The following DNAAF9 variants were observed in gnomAD, a reference collection of about 807,000 sequenced individuals.
DNAAF9 encodes shulin.
DNAAF9 carries 90 observed loss-of-function variants against 167.0 expected under a neutral mutation model. The ratio of observed to expected loss-of-function variants is 0.54; its 90% confidence interval spans 0.45 to 0.64. DNAAF9 has a LOEUF of 0.64. DNAAF9 is among the 30% of genes least tolerant of loss of function. The pLI is 0.00. For missense variants in DNAAF9, 1,315 were observed against 1,442.2 expected (o/e 0.91, Z 1.43); for synonymous variants, 491 against 508.8 (o/e 0.96, Z 0.47).
chr20:3,374,139 A>G lies in DNAAF9; in HGVS notation c.521T>C (p.Phe174Ser). The G allele has an allele frequency of 6.2e-7, 1 of 1,610,648 alleles. No individual in the cohort carries two copies. Among genetic ancestry groups the G allele is most frequent in the Non-Finnish European group, 8.5e-7 (1 of 1,176,862 alleles). Residue 174 changes from phenylalanine to serine, a missense_variant, in exon 6 of 37, where the codon TTT becomes TCT. Phe to Ser is a radical substitution (Grantham distance 155). Transcript: ENST00000252032. ...CCATTTCTCCACCACAAACATATCA[A>G]ATATCTGCAAGTGACCTAGAAGAAT... ...PYSSQGHLQI[F>S]DMFVVEKWPI...
At chr20:3,323,985 A>G (rs182422448) in intron 14 of DNAAF9, among the ~76,000 whole-genome samples, 116 of 152,336 alleles carry the variant, frequency 7.6e-4, no homozygotes, top group African/African-American at 2.7e-3. Flanking sequence ...CAGATAGCAC[A>G]GGGCAGCACA....
chr20:3,256,531 A>G (rs2068283819), intron 33 of DNAAF9, among the ~76,000 whole-genome samples: 1 of 152,090 alleles, frequency 6.6e-6, no homozygotes, highest in Non-Finnish European at 1.5e-5. Context: ...TTTAAAAAGG[A>G]AAAGAAAGGA....
intron 6 of DNAAF9, among the ~76,000 whole-genome samples, chr20:3,366,538 A>G (rs1445987647): frequency 6.6e-6 from 1 of 152,190 alleles, no homozygotes; most frequent in African/African-American, 2.4e-5. Flanking sequence ...GTAAATGAGC[A>G]CTGGCTTCAA....
rs2069683115 is a variant in DNAAF9 at position 3,324,883 on chromosome 20, AT to A, written c.1265+8del. On this transcript the variant is annotated splice_region_variant and intron_variant, in intron 14 of 36. Coordinates refer to ENST00000252032, the MANE Select transcript of DNAAF9 (RefSeq NM_001009984.3). ...AAATTCCTTATAAAAAATATCAGCC[AT>A]TGCTTACCGCAGGGCTGCCTTAAAC... 1 of 1,495,362 alleles carries A rather than the reference AT, an allele frequency of 6.7e-7. No homozygotes were observed. Among genetic ancestry groups the A allele is most frequent in the African/African-American group, 1.4e-5 (1 of 72,214 alleles). The allele number at this position is 1,495,362 out of a possible 1,614,324, so 92.6% of individuals were successfully genotyped here. A position where few individuals can be genotyped will look rare whatever the true frequency, so the allele number is the denominator to read the frequency against.
intron 5 of DNAAF9, 79 bp from the exon 6 acceptor site, chr20:3,374,233 A>T: frequency 3.3e-6 from 3 of 912,554 alleles, no homozygotes; most frequent in Non-Finnish European, 5.2e-6. Context: ...ACATGGTTAG[A>T]CAGGTATCAT....
At chr20:3,305,078 C>T (rs2122989854) in intron 20 of DNAAF9, among the ~76,000 whole-genome samples, 1 of 152,306 alleles carries the variant, frequency 6.6e-6, no homozygotes, top group Admixed American at 6.5e-5. Context: ...GGGGGCTGCT[C>T]TTCTGTAGTT....
intron 6 of DNAAF9, among the ~76,000 whole-genome samples, chr20:3,367,913 T>TA (rs35776183): frequency 0.029 from 4,137 of 142,068 alleles, 134 homozygotes; most frequent in African/African-American, 0.086. Flanking sequence ...TCAATTTGTT[T>TA]AAAAAAAAAA....
Position 3,374,071 on chromosome 20 carries a change from C to T in DNAAF9, c.589G>A (p.Gly197Arg), listed in dbSNP as rs773703108. The change falls in exon 6 of 37, where the codon GGA becomes AGA. Residue 197 changes from glycine (G) to arginine (R), a missense_variant. Physicochemically the swap from Gly to Arg is moderately radical, Grantham distance 125. Coordinates refer to ENST00000252032, the MANE Select transcript of DNAAF9 (RefSeq NM_001009984.3). Reference protein sequence around the residue: ...AFALEGIGGDGFFTMKYELQD... With the variant: ...AFALEGIGGDRFFTMKYELQD... ...ACCTCATATTTCATGGTAAAAAATC[C>T]ATCCCCTCCAATGCCCTCAAGTGCA... 3 of 1,611,866 alleles carry T rather than the reference C, an allele frequency of 1.9e-6. No homozygotes were observed. The highest frequency in any genetic ancestry group is 1.7e-6 in the Non-Finnish European group (2 of 1,178,126).
intron 29 of DNAAF9, among the ~76,000 whole-genome samples, chr20:3,278,549 T>A (rs750145806): frequency 1.3e-5 from 2 of 152,078 alleles, no homozygotes; most frequent in Non-Finnish European, 2.9e-5. Flanking sequence ...TGAAACCCCA[T>A]CTCTACTAAA....
Position 3,318,296 on chromosome 20 carries a change from T to C in DNAAF9, c.1461A>G (p.Lys487=). The part of the protein sequence containing the change: ...ESFLTSQILV[K]EKDGTVTTET... ...AAGATCACATATACTTACCCTTTTCTTTAACTAAGATCTGAGAAGTCAAAA... is the reference window on the plus strand; with the variant it reads ...AAGATCACATATACTTACCCTTTTCCTTAACTAAGATCTGAGAAGTCAAAA... The change falls in exon 17 of 37, where the codon AAA becomes AAG. Residue 487 remains lysine, a synonymous_variant. Coordinates refer to ENST00000252032, the MANE Select transcript of DNAAF9 (RefSeq NM_001009984.3). The C allele has an allele frequency of 6.7e-7, 1 of 1,500,026 alleles. No individual in the cohort carries two copies. Among genetic ancestry groups the C allele is most frequent in the Non-Finnish European group, 9.3e-7 (1 of 1,077,576 alleles). 92.9% of individuals were successfully genotyped at this position (1,500,026 alleles called of 1,614,324 possible).
At chr20:3,321,005 G>A (rs544241048) in intron 16 of DNAAF9, among the ~76,000 whole-genome samples, 14 of 152,294 alleles carry the variant, frequency 9.2e-5, no homozygotes, top group Admixed American at 6.5e-5. Context: ...GGTAAAGGGA[G>A]GACTCAGCTT....
chr20:3,340,454 C>CCCCAA, intron 10 of DNAAF9, 50 bp downstream of exon 10: 1 of 1,053,078 alleles, frequency 9.5e-7, no homozygotes, highest in South Asian at 2.3e-5. Flanking sequence ...ACCCCACCCC[C>CCCCAA]ACAACTTGAT....
At chr20:3,344,640 C>CACACACACACACACA (rs1216513996) in intron 8 of DNAAF9, among the ~76,000 whole-genome samples, 1 of 141,518 alleles carries the variant, frequency 7.1e-6, no homozygotes, top group Non-Finnish European at 1.5e-5. Context: ...CACACACACA[C>CACACACACACACACA]CTCATGTAGT....
At chr20:3,365,812 C>A (rs1250652727) in intron 6 of DNAAF9, among the ~76,000 whole-genome samples, 2 of 152,244 alleles carry the variant, frequency 1.3e-5, no homozygotes, top group African/African-American at 2.4e-5. Context: ...GAAGTTTCAA[C>A]AATGTTCACA....
In DNAAF9 at chr20:3,341,730, C is replaced by T. The variant is rs537948047; in HGVS notation, c.846-1091G>A. ...CACTTCCTCACTGTTTCCCTGTTTC[C>T]ACTCTTGCCCTCCTATAATGGATTC... is the stretch of plus-strand genomic sequence containing the variant. On this transcript the variant is annotated intron_variant, in intron 9 of 36. Transcript: ENST00000252032. Among the ~76,000 whole-genome samples the T allele has an allele frequency of 6.6e-5, 10 of 152,278 alleles. No individual in the cohort carries two copies. In the South Asian group the frequency reaches 2.1e-3, roughly 32 times the overall value.
At chr20:3,333,485 C>A (rs2069878516) in intron 10 of DNAAF9, among the ~76,000 whole-genome samples, 1 of 152,162 alleles carries the variant, frequency 6.6e-6, no homozygotes, top group South Asian at 2.1e-4. Context: ...AGGCATTTTT[C>A]TATAACATTG....
intron 11 of DNAAF9, 80 bp from the exon 12 acceptor site, chr20:3,330,762 T>G: frequency 3.7e-6 from 3 of 813,624 alleles, no homozygotes; most frequent in Non-Finnish European, 4.0e-6. Flanking sequence ...AATGCTTAAT[T>G]TACCTGGAAG....
At chr20:3,306,946 T>G in intron 20 of DNAAF9, 1 of 985,298 alleles carries the variant, frequency 1.0e-6, no homozygotes, top group Non-Finnish European at 1.2e-6. Context: ...TGCTGCTGAG[T>G]GGTTAGTACC....
chr20:3,288,000 C>T (rs1448367715), intron 26 of DNAAF9, among the ~76,000 whole-genome samples: 1 of 152,180 alleles, frequency 6.6e-6, no homozygotes, highest in Non-Finnish European at 1.5e-5. Flanking sequence ...GTCACTGGGG[C>T]TTTTGATAGG....
Sources: allele counts gnomAD v4.1 joint callset (sites outside exome capture counted in the v4.1 genomes callset), GRCh38; gene constraint gnomAD v4.1.1; transcripts MANE v1.5; gene names NCBI Gene and HGNC (gene_info 2026-07-23, HGNC 2026-07-21).